Variants in CYP2C18 observed in about 807,000 individuals in gnomAD.
CYP2C18 encodes cytochrome P450 2C18.
Under a neutral mutation model 41.3 loss-of-function variants are expected in CYP2C18, and 38 were observed. That is an observed-to-expected ratio of 0.92 (90% CI 0.71 to 1.21). The LOEUF (loss-of-function observed/expected upper bound fraction) is 1.21. Among genes scored for constraint, CYP2C18 ranks in the 50% most tolerant of loss-of-function variants. The pLI is 0.00. For missense variants in CYP2C18, 635 were observed against 591.4 expected, an observed-to-expected ratio of 1.07 and a Z score of -0.77; for synonymous variants, 236 against 210.0, an observed-to-expected ratio of 1.12 and a Z score of -1.07.
chr10:94,688,390 T>C, intron 3 of CYP2C18, 116 bp downstream of exon 3: 1 of 1,207,412 alleles, frequency 8.3e-7, no homozygotes, highest in Non-Finnish European at 1.1e-6. Context: ...TTTTGTTACA[T>C]GCACAGAATG....
At position 94,720,402 on chromosome 10, in the gene CYP2C18, C is replaced by T; in HGVS notation, c.826C>T (p.His276Tyr). The T allele has an allele frequency of 1.2e-6, 2 of 1,601,394 alleles. No homozygotes were observed. Among genetic ancestry groups the T allele is most frequent in the Non-Finnish European group, 1.7e-6 (2 of 1,176,014 alleles). The change falls in exon 6 of 9, where the codon CAC becomes TAC. Residue 276 changes from histidine to tyrosine, a missense_variant. Coordinates refer to ENST00000285979, the MANE Select transcript of CYP2C18 (RefSeq NM_000772.3). ...CFLIKMEQEK[H>Y]NQQSEFTVES... ...TTATGAAATAATTTTTTAGGAAAAG[C>T]ACAATCAACAGTCTGAATTTACTGT...
At chr10:94,704,190 A>G (rs912672619) in intron 4 of CYP2C18, among the ~76,000 whole-genome samples, 6 of 152,114 alleles carry the variant, frequency 3.9e-5, no homozygotes, top group African/African-American at 7.2e-5. Flanking sequence ...TCTTGCCCCA[A>G]TCCCAGTCCA....
intron 4 of CYP2C18, among the ~76,000 whole-genome samples, chr10:94,702,790 A>G (rs1297560409): frequency 6.6e-6 from 1 of 151,950 alleles, no homozygotes; most frequent in African/African-American, 2.4e-5. Context: ...AGGAGTTGTG[A>G]TCCTTTGGAG....
At chr10:94,729,374 A>T (rs1425885531) in intron 7 of CYP2C18, among the ~76,000 whole-genome samples, 1 of 152,204 alleles carries the variant, frequency 6.6e-6, no homozygotes, top group African/African-American at 2.4e-5. Flanking sequence ...TAGACACAAG[A>T]GTCAAAAATC....
chr10:94,722,576 T>C (rs1847665621), intron 6 of CYP2C18, among the ~76,000 whole-genome samples: 1 of 152,166 alleles, frequency 6.6e-6, no homozygotes, highest in South Asian at 2.1e-4. Flanking sequence ...TCTGTTGCTA[T>C]AGTCCCCATA....
At position 94,720,432 on chromosome 10, in the gene CYP2C18, A is replaced by G. The variant is rs765005830; in HGVS notation, c.856A>G (p.Ser286Gly). The stretch of plus-strand genomic sequence containing the variant: ...TCAACAGTCTGAATTTACTGTTGAA[A>G]GCTTGATAGCCACTGTAACTGATAT... ...HNQQSEFTVESLIATVTDMFG... is the reference protein window; with the variant it reads ...HNQQSEFTVEGLIATVTDMFG... The change falls in exon 6 of 9, where the codon AGC becomes GGC. Residue 286 changes from serine (S) to glycine (G), a missense_variant. Physicochemically the swap from Ser to Gly is moderately conservative, Grantham distance 56. Coordinates refer to ENST00000285979, the MANE Select transcript of CYP2C18 (RefSeq NM_000772.3). The G allele has an allele frequency of 1.4e-5, 22 of 1,612,848 alleles. No individual in the cohort carries two copies. The highest frequency in any genetic ancestry group is 1.1e-5 in the South Asian group (1 of 90,946).
chr10:94,735,184 A>G (rs1182949384), intron 8 of CYP2C18, 79 bp from the exon 9 acceptor site: 1 of 1,389,812 alleles, frequency 7.2e-7, no homozygotes, highest in East Asian at 2.3e-5. Flanking sequence ...ATCATTTATC[A>G]AATAGTTACT....
chr10:94,726,538 G>C (rs770676100), intron 7 of CYP2C18, among the ~76,000 whole-genome samples: 1 of 152,104 alleles, frequency 6.6e-6, no homozygotes, highest in Non-Finnish European at 1.5e-5. Context: ...TTTTATGGTT[G>C]CATAGTATTC....
intron 5 of CYP2C18, among the ~76,000 whole-genome samples, chr10:94,711,362 A>G (rs1847433011): frequency 6.6e-6 from 1 of 152,088 alleles, no homozygotes; most frequent in Non-Finnish European, 1.5e-5. Flanking sequence ...TATCTTTTGC[A>G]CATTTCCGAG....
At chr10:94,697,741 A>C (rs1470347353) in intron 4 of CYP2C18, among the ~76,000 whole-genome samples, 1 of 152,228 alleles carries the variant, frequency 6.6e-6, no homozygotes, top group Non-Finnish European at 1.5e-5. Context: ...GAACAATCTC[A>C]TGTACAGAGA....
chr10:94,724,614 A>G, intron 7 of CYP2C18, 81 bp downstream of exon 7: 1 of 1,284,176 alleles, frequency 7.8e-7, no homozygotes, highest in South Asian at 1.3e-5. Flanking sequence ...CTCTAACAAC[A>G]CATGATGAGA....
chr10:94,689,389 G>A (rs1483824652), intron 3 of CYP2C18, among the ~76,000 whole-genome samples: 3 of 151,722 alleles, frequency 2.0e-5, no homozygotes, highest in Non-Finnish European at 2.9e-5. Context: ...AACATCTTGG[G>A]GATTTTGTGG....
intron 5 of CYP2C18, among the ~76,000 whole-genome samples, chr10:94,708,739 T>C (rs977596692): frequency 1.3e-5 from 2 of 152,210 alleles, no homozygotes; most frequent in Admixed American, 1.3e-4. Flanking sequence ...ACAGTCACCC[T>C]GTATTGGGGT....
At chr10:94,698,446 C>T (rs1847165614) in intron 4 of CYP2C18, among the ~76,000 whole-genome samples, 1 of 152,156 alleles carries the variant, frequency 6.6e-6, no homozygotes, top group African/African-American at 2.4e-5. Context: ...AACAAAGACA[C>T]AACATACCAG....
chr10:94,698,088 C>A (rs1234820872), intron 4 of CYP2C18, among the ~76,000 whole-genome samples: 1 of 152,182 alleles, frequency 6.6e-6, no homozygotes, highest in African/African-American at 2.4e-5. Context: ...AGAAGGTTAA[C>A]AAGGATATCC....
At chr10:94,691,034 G>A (rs1245006570) in intron 3 of CYP2C18, among the ~76,000 whole-genome samples, 3 of 152,068 alleles carry the variant, frequency 2.0e-5, no homozygotes, top group Admixed American at 6.6e-5. Flanking sequence ...AAAATAATAA[G>A]AGCTATCTAT....
intron 7 of CYP2C18, chr10:94,728,585 C>T: frequency 1.1e-6 from 1 of 948,498 alleles, no homozygotes; most frequent in Non-Finnish European, 1.3e-6. Context: ...AAGAGTTCCC[C>T]CACGTGTTTT....
chr10:94,732,868 G>A (rs889071199), intron 7 of CYP2C18, among the ~76,000 whole-genome samples: 2 of 152,016 alleles, frequency 1.3e-5, no homozygotes, highest in African/African-American at 4.8e-5. Flanking sequence ...CTACTCGGGT[G>A]ATGGAATTAT....
chr10:94,686,528 A>G (rs1370203040), intron 1 of CYP2C18, among the ~76,000 whole-genome samples: 1 of 152,172 alleles, frequency 6.6e-6, no homozygotes, highest in Non-Finnish European at 1.5e-5. Flanking sequence ...TTTCACCATT[A>G]AATATGATGT....
Sources: allele counts gnomAD v4.1 joint callset (sites outside exome capture counted in the v4.1 genomes callset), GRCh38; gene constraint gnomAD v4.1.1; transcripts MANE v1.5; gene names NCBI Gene and HGNC (gene_info 2026-07-23, HGNC 2026-07-21).